Variants in NEDD1 observed in about 807,000 individuals in gnomAD.
The protein encoded by NEDD1 is protein NEDD1.
A neutral mutation model predicts 74.0 loss-of-function variants in NEDD1; 33 were observed. The observed-to-expected ratio is 0.45, with a 90% CI of 0.34 to 0.60. NEDD1 has a LOEUF of 0.60. Among genes scored for constraint, NEDD1 ranks in the 20% least tolerant of loss-of-function variants. The probability of loss-of-function intolerance (pLI) is 0.01; values close to 1 mark genes in which losing one functional copy is unlikely to be tolerated. For missense variants in NEDD1, 746 were observed against 776.5 expected (o/e 0.96, Z 0.47); for synonymous variants, 250 against 264.4 (o/e 0.95, Z 0.53).
rs566258624 is a variant in NEDD1, at chr12:96,914,330, T to G, written c.231+1513T>G. On this transcript the variant is annotated intron_variant, in intron 4 of 15. Coordinates refer to ENST00000266742, the MANE Select transcript of NEDD1 (RefSeq NM_152905.4). ...TGAATCAGTATTTGGGAGCTTTTTT[T>G]TTAAAGTATAAAAATAACAGATGGT... Among the ~76,000 whole-genome samples, 10 of 152,320 alleles carry G rather than the reference T, an allele frequency of 6.6e-5. No homozygotes were observed. In the South Asian group the frequency reaches 1.9e-3, roughly 28 times the overall value.
In NEDD1 at chr12:96,936,612, C is replaced by G. The variant is rs776806657; in HGVS notation, c.721C>G (p.Leu241Val). Residue 241 changes from leucine (L) to valine (V), a missense_variant and splice_region_variant, in exon 8 of 16, where the codon CTA (leucine) becomes GTA (valine). This residue lies in a region of NEDD1 where 706 missense variants were observed against 706.7 expected (regional missense o/e 1.00). Transcript: ENST00000266742. ...CATACTTTGTTCTCCTTTCCAAAGGCTAGTGAAAACTTTAGTGGCTGACAC... is the reference window on the plus strand; with the variant it reads ...CATACTTTGTTCTCCTTTCCAAAGGGTAGTGAAAACTTTAGTGGCTGACAC... ...IILYDTSSKK[L>V]VKTLVADTPL... 2 of 1,609,366 alleles carry G rather than the reference C, an allele frequency of 1.2e-6. No individual in the cohort carries two copies. Among genetic ancestry groups the G allele is most frequent in the Non-Finnish European group, 8.5e-7 (1 of 1,175,788 alleles).
chr12:96,922,424 G>T (rs1306556260), intron 6 of NEDD1, among the ~76,000 whole-genome samples: 3 of 152,012 alleles, frequency 2.0e-5, no homozygotes, highest in Admixed American at 1.3e-4. Flanking sequence ...TGTGTTAGAA[G>T]CATGACAAAT....
At chr12:96,930,552 G>A (rs1221824185) in intron 6 of NEDD1, among the ~76,000 whole-genome samples, 1 of 151,906 alleles carries the variant, frequency 6.6e-6, no homozygotes, top group African/African-American at 2.4e-5. Flanking sequence ...GGTTTTTATT[G>A]GGGGGGCTGG....
At chr12:96,912,840 A>T (rs775491933) in intron 4 of NEDD1, 23 bp downstream of exon 4, 121 of 1,152,692 alleles carry the variant, frequency 1.0e-4, no homozygotes, top group Non-Finnish European at 1.2e-4. Context: ...TTTTTTTTTT[A>T]AACTTTTAAA....
At chr12:96,945,560 AT>A (rs2136617781) in intron 13 of NEDD1, 132 bp from the exon 14 acceptor site, 1 of 596,074 alleles carries the variant, frequency 1.7e-6, no homozygotes, top group East Asian at 2.8e-5. Context: ...CAGACAGTGA[AT>A]TTTTCTAAAT....
intron 6 of NEDD1, among the ~76,000 whole-genome samples, chr12:96,928,180 TATACTC>T (rs1875920174): frequency 6.6e-6 from 1 of 152,184 alleles, no homozygotes; most frequent in African/African-American, 2.4e-5. Flanking sequence ...TCCATATAGT[TATACTC>T]ATTCTGTTTG....
intron 14 of NEDD1, among the ~76,000 whole-genome samples, chr12:96,948,574 CGTTATTAGA>C (rs1408632943): frequency 2.0e-5 from 3 of 152,002 alleles, no homozygotes; most frequent in East Asian, 1.9e-4. Flanking sequence ...GGTTTGTTTT[CGTTATTAGA>C]GTTGAGAAAT....
chr12:96,912,079 A>G (rs1873972248), intron 3 of NEDD1, among the ~76,000 whole-genome samples: 1 of 152,028 alleles, frequency 6.6e-6, no homozygotes, highest in South Asian at 2.1e-4. Context: ...TGTTCCATTT[A>G]CAATTCGTGT....
intron 6 of NEDD1, among the ~76,000 whole-genome samples, chr12:96,927,803 G>C (rs186836182): frequency 6.6e-6 from 1 of 151,976 alleles, no homozygotes; most frequent in Non-Finnish European, 1.5e-5. Flanking sequence ...TTCTAAATTG[G>C]TTTATTTCAT....
At chr12:96,936,088 ATTTC>A (rs1400134256) in intron 7 of NEDD1, among the ~76,000 whole-genome samples, 6 of 152,190 alleles carry the variant, frequency 3.9e-5, no homozygotes, top group African/African-American at 7.2e-5. Context: ...CACCATCCGT[ATTTC>A]TTTATTAGCT....
chr12:96,938,672 A>G (rs1253660346), intron 9 of NEDD1, among the ~76,000 whole-genome samples: 1 of 152,076 alleles, frequency 6.6e-6, no homozygotes. Context: ...TTTGTGTATT[A>G]ATTGTATTTT....
intron 4 of NEDD1, among the ~76,000 whole-genome samples, chr12:96,913,033 GAC>G (rs2136512142): frequency 6.6e-6 from 1 of 152,300 alleles, no homozygotes; most frequent in East Asian, 1.9e-4. Flanking sequence ...AACAATTGAA[GAC>G]TTGAATTTTG....
Position 96,912,771 on chromosome 12 carries a change from C to A in NEDD1, c.185C>A (p.Ser62Ter). Residue 62 changes from serine (S) to a stop codon, truncating the protein, a stop_gained, in exon 4 of 16, where the codon TCA (serine) becomes TAA (stop). Transcript: ENST00000266742. LOFTEE classifies it high-confidence loss of function. The stretch of plus-strand genomic sequence containing the variant: ...TCCAGTGGCGACAAAATAGTTGTCT[C>A]AAGTTGCAAATGTAAACCTGTTCCA... ...ASSSGDKIVV[S>*]SCKCKPVPLL... 6.2e-7 allele frequency: 1 copy of A among 1,609,646 alleles called. No homozygotes were observed. Among genetic ancestry groups the A allele is most frequent in the Non-Finnish European group, 8.5e-7 (1 of 1,176,704 alleles).
intron 6 of NEDD1, among the ~76,000 whole-genome samples, chr12:96,926,577 T>C (rs1454556056): frequency 6.6e-6 from 1 of 152,086 alleles, no homozygotes; most frequent in East Asian, 1.9e-4. Flanking sequence ...AATTAGTTTT[T>C]TTTCCTGCAA....
At chr12:96,915,079 A>C (rs1357055382) in intron 4 of NEDD1, among the ~76,000 whole-genome samples, 1 of 152,244 alleles carries the variant, frequency 6.6e-6, no homozygotes, top group Admixed American at 6.5e-5. Context: ...AGTCTCCCTC[A>C]ACTAAAGTCA....
At chr12:96,907,444 G>GGGCGCGGC in intron 1 of NEDD1, 144 bp downstream of exon 1, 1 of 573,092 alleles carries the variant, frequency 1.7e-6, no homozygotes, top group Non-Finnish European at 3.0e-6. Context: ...TGCTGGGCGG[G>GGGCGCGGC]GGCGCGGCGG....
At chr12:96,949,087 C>A (rs929453209) in intron 14 of NEDD1, among the ~76,000 whole-genome samples, 1 of 152,128 alleles carries the variant, frequency 6.6e-6, no homozygotes, top group African/African-American at 2.4e-5. Context: ...CCCCACCCAG[C>A]GAGACTATCT....
chr12:96,942,073 CTT>C (rs1454238105), intron 10 of NEDD1, among the ~76,000 whole-genome samples: 5 of 152,204 alleles, frequency 3.3e-5, no homozygotes, highest in African/African-American at 1.2e-4. Context: ...TTAAAATAAT[CTT>C]ATACATATTC....
chr12:96,951,764 A>T (rs1698881857), intron 15 of NEDD1, among the ~76,000 whole-genome samples, 185 bp from the exon 16 acceptor site: 1 of 151,782 alleles, frequency 6.6e-6, no homozygotes, highest in Non-Finnish European at 1.5e-5. Context: ...AATTTTCCAA[A>T]TATACTAATT....
Sources: gnomAD v4.1 joint callset for allele counts (sites outside exome capture counted in the v4.1 genomes callset) on GRCh38, gnomAD v4.1.1 for gene constraint, gnomAD v4.1.1 regional missense constraint, MANE v1.5 for transcripts, NCBI Gene and HGNC (gene_info 2026-07-23, HGNC 2026-07-21) for gene names.